TOMM20: variants seen among roughly 807,000 people sequenced by gnomAD.
TOMM20 encodes translocase of outer mitochondrial membrane 20.
A neutral mutation model predicts 22.1 loss-of-function variants in TOMM20; 10 were observed. That is an observed-to-expected ratio of 0.45 (90% CI 0.28 to 0.77). The LOEUF (loss-of-function observed/expected upper bound fraction) is 0.77, where lower values mean the gene tolerates loss of function less well. TOMM20 is among the 30% of genes least tolerant of loss of function. The pLI, the probability that TOMM20 is intolerant of heterozygous loss-of-function variation, is 0.13. For missense variants in TOMM20, 121 were observed against 172.2 expected, an observed-to-expected ratio of 0.70 and a Z score of 1.66; for synonymous variants, 55 against 61.4, an observed-to-expected ratio of 0.90 and a Z score of 0.49.
At chr1:235,120,291 G>C (rs977127872) in intron 2 of TOMM20, among the ~76,000 whole-genome samples, 2 of 151,344 alleles carry the variant, frequency 1.3e-5, no homozygotes, top group African/African-American at 4.9e-5. Flanking sequence ...TTTGTTTTTT[G>C]AGACAGAGTC....
At chr1:235,120,885 A>AAAG (rs1660920242) in intron 2 of TOMM20, among the ~76,000 whole-genome samples, 1 of 149,392 alleles carries the variant, frequency 6.7e-6, no homozygotes, top group Admixed American at 6.7e-5. Context: ...AAAAAAAAAA[A>AAAG]GAGGCCATTT....
intron 3 of TOMM20, among the ~76,000 whole-genome samples, chr1:235,115,645 A>G (rs958512576): frequency 1.3e-5 from 2 of 152,176 alleles, no homozygotes; most frequent in Non-Finnish European, 2.9e-5. Flanking sequence ...ATAAATAAAA[A>G]TAAAAAAATA....
At chr1:235,121,877 A>C (rs1008655084) in intron 2 of TOMM20, among the ~76,000 whole-genome samples, 35 of 152,212 alleles carry the variant, frequency 2.3e-4, no homozygotes, top group African/African-American at 8.2e-4. Context: ...AACAAGGCAA[A>C]AATTTGTCAG....
chr1:235,128,498 T>C (rs1661074088), intron 1 of TOMM20, 97 bp downstream of exon 1: 4 of 1,577,264 alleles, frequency 2.5e-6, no homozygotes, highest in Non-Finnish European at 3.4e-6. Flanking sequence ...GCGGTCGCCC[T>C]GCGCGGCCCA....
At chr1:235,124,704 T>C (rs1463591070) in intron 1 of TOMM20, among the ~76,000 whole-genome samples, 1 of 152,204 alleles carries the variant, frequency 6.6e-6, no homozygotes, top group Non-Finnish European at 1.5e-5. Context: ...GAGTGTGTGA[T>C]TGCCACTGAA....
chr1:235,114,033 G>T (rs558195859), intron 3 of TOMM20, 123 bp from the exon 4 acceptor site: 31 of 997,126 alleles, frequency 3.1e-5, no homozygotes, highest in Non-Finnish European at 3.9e-5. Flanking sequence ...TACTGGAAAT[G>T]ACCTATAATG....
At chr1:235,121,612 C>T (rs1472472162) in intron 2 of TOMM20, among the ~76,000 whole-genome samples, 1 of 152,168 alleles carries the variant, frequency 6.6e-6, no homozygotes, top group Admixed American at 6.6e-5. Context: ...TTTTCCTTGT[C>T]TCAACTTGCT....
intron 3 of TOMM20, among the ~76,000 whole-genome samples, chr1:235,118,771 T>C (rs1660877923): frequency 6.6e-6 from 1 of 152,160 alleles, no homozygotes; most frequent in African/African-American, 2.4e-5. Flanking sequence ...GCAATCCTCC[T>C]GCCTCAGTTC....
chr1:235,118,929 C>A (rs1004086670), intron 3 of TOMM20, among the ~76,000 whole-genome samples: 1 of 152,162 alleles, frequency 6.6e-6, no homozygotes, highest in Non-Finnish European at 1.5e-5. Flanking sequence ...AAAAGTATTT[C>A]TTGGCAAAGG....
chr1:235,117,257 A>C (rs1240604525), intron 3 of TOMM20, among the ~76,000 whole-genome samples: 2 of 150,960 alleles, frequency 1.3e-5, no homozygotes, highest in Non-Finnish European at 2.9e-5. Context: ...TCGGAGTTTG[A>C]CTAGCCTGAC....
intron 3 of TOMM20, 35 bp from the exon 4 acceptor site, chr1:235,113,945 A>G (rs1660784463): frequency 6.5e-7 from 1 of 1,538,548 alleles, no homozygotes. Context: ...TGTAACCTGA[A>G]AAGCCTTGGC....
intron 1 of TOMM20, among the ~76,000 whole-genome samples, chr1:235,125,598 A>T (rs1185263311): frequency 6.6e-6 from 1 of 152,164 alleles, no homozygotes; most frequent in East Asian, 1.9e-4. Context: ...TGCAGATGTA[A>T]ATATTCTATT....
intron 2 of TOMM20, 36 bp downstream of exon 2, chr1:235,122,290 C>A: frequency 1.4e-6 from 2 of 1,434,998 alleles, no homozygotes; most frequent in Non-Finnish European, 9.3e-7. Flanking sequence ...AATATTTCTA[C>A]AAAATATATA....
Position 235,113,780 on chromosome 1 carries a change from T to C in TOMM20, c.381A>G (p.Pro127=). 6.2e-7 allele frequency: 1 copy of C among 1,611,122 alleles called. No homozygotes were observed. ...PVFQMLLTKL[P]TISQRIVSAQ... The stretch of plus-strand genomic sequence containing the variant: ...TCCAATTCCTTACCTGACTAATTGT[T>C]GGGAGCTTAGTCAGAAGCATCTGGA... Residue 127 remains proline, a synonymous_variant, in exon 4 of 5, where the codon CCA becomes CCG. Transcript: ENST00000366607.
chr1:235,126,385 C>T (rs1181609549), intron 1 of TOMM20, among the ~76,000 whole-genome samples: 4 of 151,966 alleles, frequency 2.6e-5, no homozygotes, highest in Non-Finnish European at 4.4e-5. Flanking sequence ...CCCACCTCGG[C>T]CTCCCAAAGT....
Position 235,111,957 on chromosome 1 carries a change from T to C in TOMM20, c.*107A>G, listed in dbSNP as rs1572125477. 12 of 832,170 alleles carry C rather than the reference T, an allele frequency of 1.4e-5. No homozygotes were observed. The highest frequency in any genetic ancestry group is 2.2e-5 in the Non-Finnish European group (11 of 497,400). The allele number at this position is 832,170 out of a possible 1,614,324, so 51.5% of individuals were successfully genotyped here. The stretch of plus-strand genomic sequence containing the variant: ...AAACATTAACTTTGGTAGATTTCAG[T>C]GTAGTTCATAACAAGCATATTTGCC... On this transcript the variant is annotated 3_prime_UTR_variant, in exon 5 of 5. Transcript: ENST00000366607.
At chr1:235,125,708 A>G (rs894779311) in intron 1 of TOMM20, among the ~76,000 whole-genome samples, 1 of 152,012 alleles carries the variant, frequency 6.6e-6, no homozygotes, top group Non-Finnish European at 1.5e-5. Flanking sequence ...AAATACCCCT[A>G]AACTTTTTAA....
intron 1 of TOMM20, among the ~76,000 whole-genome samples, chr1:235,125,036 G>A (rs1332293136): frequency 7.2e-5 from 11 of 152,032 alleles, no homozygotes; most frequent in Admixed American, 1.3e-4. Flanking sequence ...CCTGCAGCTG[G>A]CATTGTAATT....
chr1:235,128,694 TG>T lies in TOMM20; in HGVS notation c.21del (p.Ile8SerfsTer74), dbSNP rs1558131913. On this transcript the variant is annotated frameshift_variant, in exon 1 of 5. Transcript: ENST00000366607. LOFTEE classifies it high-confidence loss of function. Reference protein sequence around the residue: MVGRNSAIAAGVCGALF... With the variant: MVGRNSXIAAGVCGALF... Reference sequence around the variant, plus strand: ...AGGGCCCCGCATACACCGGCGGCGATGGCGCTGTTCCGACCCACCATCTTCT... The same window carrying T: ...AGGGCCCCGCATACACCGGCGGCGATGCGCTGTTCCGACCCACCATCTTCT... 1 of 1,614,074 alleles carries T rather than the reference TG, an allele frequency of 6.2e-7. No individual in the cohort carries two copies. The highest frequency in any genetic ancestry group is 2.2e-5 in the East Asian group (1 of 44,884).
Sources: allele counts gnomAD v4.1 joint callset (sites outside exome capture counted in the v4.1 genomes callset), GRCh38; gene constraint gnomAD v4.1.1; transcripts MANE v1.5; gene names NCBI Gene and HGNC (gene_info 2026-07-23, HGNC 2026-07-21).